The following HSPG2 variants were observed in gnomAD, a reference collection of about 807,000 sequenced individuals.
HSPG2 encodes the protein heparan sulfate proteoglycan 2.
A neutral mutation model predicts 526.6 loss-of-function variants in HSPG2; 278 were observed. The ratio of observed to expected loss-of-function variants is 0.53; its 90% CI spans 0.48 to 0.58. The LOEUF (loss-of-function observed/expected upper bound fraction) is 0.58, where lower values mean the gene tolerates loss of function less well. Ranked by LOEUF, HSPG2 falls within the 20% of genes least tolerant of loss-of-function variation. The pLI, the probability that HSPG2 is intolerant of heterozygous loss-of-function variation, is 0.00. For synonymous variants in HSPG2, 2,465 were observed against 2,555.4 expected (o/e 0.96, Z 1.07); for missense variants, 5,354 against 6,099.5 (o/e 0.88, Z 4.07).
rs760462019 is a variant in HSPG2 at position 21,829,613 on chromosome 1, G to T, written c.11771-9C>A. The stretch of plus-strand genomic sequence containing the variant: ...GGTGGTCACTGTCACACCTGCAGCA[G>T]CCACAGCTCAGCTGAGGCAGTGGGG... On this transcript the variant is annotated splice_polypyrimidine_tract_variant and intron_variant, in intron 86 of 96. Coordinates refer to ENST00000374695, the MANE Select transcript of HSPG2 (RefSeq NM_005529.7). 1 of 1,600,446 alleles carries T rather than the reference G, an allele frequency of 6.2e-7. No individual in the cohort carries two copies. Among genetic ancestry groups the T allele is most frequent in the South Asian group, 1.1e-5 (1 of 90,348 alleles).
intron 33 of HSPG2, among the ~76,000 whole-genome samples, chr1:21,869,987 G>A (rs772317538): frequency 2.0e-5 from 3 of 152,234 alleles, no homozygotes; most frequent in Non-Finnish European, 2.9e-5. Flanking sequence ...TCCTCGGCCT[G>A]ACTCTCTTTG....
Position 21,855,635 on chromosome 1 carries a change from G to T in HSPG2, c.5742C>A (p.His1914Gln). The T allele has an allele frequency of 6.3e-7, 1 of 1,575,846 alleles. No individual in the cohort carries two copies. The highest frequency in any genetic ancestry group is 8.6e-7 in the Non-Finnish European group (1 of 1,163,760). The change falls in exon 46 of 97, where the codon CAC becomes CAA. Residue 1914 changes from histidine (H) to glutamine (Q), a missense_variant. Transcript: ENST00000374695. ...CAGCTGGCAGGCGCAGGATGCCGCCGTGGATTTGTGCCTTCGCAGGGAGCT... is the reference window on the plus strand; with the variant it reads ...CAGCTGGCAGGCGCAGGATGCCGCCTTGGATTTGTGCCTTCGCAGGGAGCT... ...GGQLPAKAQI[H>Q]GGILRLPAVE...
intron 37 of HSPG2, among the ~76,000 whole-genome samples, chr1:21,863,329 C>T (rs1363110652): frequency 1.8e-4 from 25 of 141,486 alleles, no homozygotes; most frequent in East Asian, 1.1e-3. Flanking sequence ...GCCCAGATGG[C>T]GCCACTGCAC....
At position 21,842,098 on chromosome 1, in the gene HSPG2, C is replaced by T. The variant is rs138424698; in HGVS notation, c.9097G>A (p.Val3033Met). ...VISIDPPSST[V>M]QQGQDASFKC... ...AAGCTGGCATCCTGGCCCTGCTGCA[C>T]GGTGCTGCTGGGCGGGTCGATGGAG... The change falls in exon 69 of 97, where the codon GTG becomes ATG. Residue 3033 changes from valine to methionine, a missense_variant. Coordinates refer to ENST00000374695, the MANE Select transcript of HSPG2 (RefSeq NM_005529.7). The T allele has an allele frequency of 1.2e-5, 19 of 1,613,504 alleles. No individual in the cohort carries two copies. Among genetic ancestry groups the T allele is most frequent in the South Asian group, 4.4e-5 (4 of 91,090 alleles).
intron 65 of HSPG2, 150 bp downstream of exon 65, chr1:21,843,998 C>G: frequency 9.5e-7 from 1 of 1,055,868 alleles, no homozygotes; most frequent in Non-Finnish European, 1.4e-6. Flanking sequence ...CTGCTGTGCC[C>G]AGCCCGCTCT....
At position 21,874,645 on chromosome 1, in the gene HSPG2, C is replaced by A. The variant is rs774922341; in HGVS notation, c.3499G>T (p.Ala1167Ser). 1.2e-6 allele frequency: 2 copies of A among 1,613,638 alleles called. No individual in the cohort carries two copies. The change falls in exon 27 of 97, where the codon GCC becomes TCC. Residue 1167 changes from alanine (A) to serine (S), a missense_variant. Transcript: ENST00000374695. Reference sequence around the variant, plus strand: ...CAGGCACCTGTTTCTGGCTCGCAGGCCTCTGAGTGGCCATGGCAGCTGCAG... The same window carrying A: ...CAGGCACCTGTTTCTGGCTCGCAGGACTCTGAGTGGCCATGGCAGCTGCAG... The part of the protein sequence containing the change: ...ERCSCHGHSE[A>S]CEPETGACQG...
rs545350887 is a variant in HSPG2 at position 21,847,630 on chromosome 1, G to A, written c.8025+59C>T. 2 of 1,602,786 alleles carry A rather than the reference G, an allele frequency of 1.2e-6. No individual in the cohort carries two copies. The highest frequency in any genetic ancestry group is 1.3e-5 in the African/African-American group (1 of 74,744). On this transcript the variant is annotated intron_variant, in intron 61 of 96. Transcript: ENST00000374695. The surrounding 1 kb of genome is among the most constrained non-coding windows in gnomAD (Gnocchi z 4.1). ...GCCCAATCCGTGAGACAGGGAGCCT[G>A]CTCTGCTCACCCCAGGAGACCATGG...
chr1:21,934,018 A>G (rs2152807098), intron 1 of HSPG2, among the ~76,000 whole-genome samples: 1 of 152,258 alleles, frequency 6.6e-6, no homozygotes, highest in Non-Finnish European at 1.5e-5. Context: ...CTCCCTCAAG[A>G]CGCCTGTCCC....
At position 21,829,596 on chromosome 1, in the gene HSPG2, C is replaced by T. The variant is rs1328654181; in HGVS notation, c.11779G>A (p.Val3927Met). The T allele has an allele frequency of 4.4e-6, 7 of 1,604,328 alleles. No individual in the cohort carries two copies. The highest frequency in any genetic ancestry group is 2.2e-5 in the South Asian group (2 of 90,662). Residue 3927 changes from valine to methionine, a missense_variant, in exon 87 of 97, where the codon GTG (valine) becomes ATG (methionine). Physicochemically the swap from Val to Met is conservative, Grantham distance 21 (BLOSUM62 1). Coordinates refer to ENST00000374695, the MANE Select transcript of HSPG2 (RefSeq NM_005529.7). ...SGLRCEEGVT[V>M]TTPSLSGAGS... is the part of the protein sequence containing the mutation. ...GCACCCGACAGCGAGGGGGTGGTCA[C>T]TGTCACACCTGCAGCAGCCACAGCT... is the stretch of plus-strand genomic sequence containing the variant.
intron 1 of HSPG2, among the ~76,000 whole-genome samples, chr1:21,902,693 G>A (rs1035869990): frequency 1.3e-5 from 2 of 152,140 alleles, no homozygotes; most frequent in Non-Finnish European, 2.9e-5. Flanking sequence ...ATCAAGGCCT[G>A]CAACCTGGAA....
chr1:21,884,661 G>T lies in HSPG2; in HGVS notation c.1521C>A (p.Asp507Glu), dbSNP rs748189703. Reference sequence around the variant, plus strand: ...CGCTGTGCTCCAGGTAGAAGTGGCCGTCAGGGCAGGGGCCTGCTGGGCGGC... The same window carrying T: ...CGCTGTGCTCCAGGTAGAAGTGGCCTTCAGGGCAGGGGCCTGCTGGGCGGC... ...ELVPQRGPCP[D>E]GHFYLEHSAA... Residue 507 changes from aspartate (D) to glutamate (E), a missense_variant, in exon 13 of 97, where the codon GAC (aspartate) becomes GAA (glutamate). Physicochemically the swap from Asp to Glu is conservative, Grantham distance 45 (BLOSUM62 2). Coordinates refer to ENST00000374695, the MANE Select transcript of HSPG2 (RefSeq NM_005529.7). 3 of 1,612,016 alleles carry T rather than the reference G, an allele frequency of 1.9e-6. No homozygotes were observed. The South Asian group carries it at 3.3e-5, about 18-fold the overall frequency.
In HSPG2 at chr1:21,855,809, G is replaced by A. The variant is rs1185551503; in HGVS notation, c.5679C>T (p.Pro1893=). 1 of 1,613,114 alleles carries A rather than the reference G, an allele frequency of 6.2e-7. No homozygotes were observed. Residue 1893 remains proline (P), a synonymous_variant, in exon 45 of 97, where the codon CCC becomes CCT. Coordinates refer to ENST00000374695, the MANE Select transcript of HSPG2 (RefSeq NM_005529.7). ...AEFRCSATGS[P]TPTLEWTGGP... is the part of the protein sequence containing the mutation. ...CACCTGTCCACTCGAGGGTGGGCGT[G>A]GGGCTCCCTGTGGCGCTGCAGCGGA...
intron 63 of HSPG2, 45 bp from the exon 64 acceptor site, chr1:21,846,300 G>C (rs1478524199): frequency 2.5e-6 from 4 of 1,612,260 alleles, no homozygotes; most frequent in African/African-American, 1.3e-5. Flanking sequence ...GTGCCAGTCT[G>C]GAACTGTTGA....
intron 37 of HSPG2, among the ~76,000 whole-genome samples, chr1:21,863,637 C>T (rs1639998515): frequency 1.3e-5 from 2 of 151,260 alleles, no homozygotes; most frequent in African/African-American, 4.9e-5. Context: ...GTCCCAGCTA[C>T]TCGGGAGGCT....
At chr1:21,918,123 G>T (rs1029266499) in intron 1 of HSPG2, among the ~76,000 whole-genome samples, 10 of 152,114 alleles carry the variant, frequency 6.6e-5, no homozygotes, top group Non-Finnish European at 1.3e-4. Context: ...TCCCAGCAGA[G>T]GAGTCCAGAC....
In HSPG2 at chr1:21,865,562, C is replaced by T. The variant is rs1353482387; in HGVS notation, c.4314+155G>A. 6.6e-6 allele frequency among the ~76,000 whole-genome samples: 1 copy of T among 152,186 alleles called. No individual in the cohort carries two copies. The highest frequency in any genetic ancestry group is 2.4e-5 in the African/African-American group (1 of 41,454). On this transcript the variant is annotated intron_variant, in intron 34 of 96. Coordinates refer to ENST00000374695, the MANE Select transcript of HSPG2 (RefSeq NM_005529.7). The surrounding 1 kb of genome is among the most constrained non-coding windows in gnomAD (Gnocchi z 5.4). ...GCAGGATCCTCTGCTTGGGTAGTGT[C>T]CAACCAGGCAGGGATGTGGGGGCAT...
Position 21,824,016 on chromosome 1 carries a change from T to C in HSPG2, c.12899+105A>G, listed in dbSNP as rs972168057. On this transcript the variant is annotated intron_variant, in intron 95 of 96. Transcript: ENST00000374695. The surrounding 1 kb of genome is among the most constrained non-coding windows in gnomAD (Gnocchi z 5.9). ...TCTCCCCTCCCCTGGCTTCAAGTTC[T>C]GTCTCCACAGAGCTCAATACCTGCC... The C allele has an allele frequency of 2.6e-6, 3 of 1,154,362 alleles. No individual in the cohort carries two copies. The highest frequency in any genetic ancestry group is 3.8e-6 in the Non-Finnish European group (3 of 787,874). The allele number at this position is 1,154,362 out of a possible 1,614,324, so 71.5% of individuals were successfully genotyped here. A position where few individuals can be genotyped will look rare whatever the true frequency, so the allele number is the denominator to read the frequency against.
At chr1:21,933,652 C>A (rs1644406065) in intron 1 of HSPG2, among the ~76,000 whole-genome samples, 1 of 152,238 alleles carries the variant, frequency 6.6e-6, no homozygotes, top group African/African-American at 2.4e-5. Flanking sequence ...CAGGCAGGGG[C>A]CACAACTCCC....
Position 21,839,118 on chromosome 1 carries a change from G to A in HSPG2, c.9890-33C>T, listed in dbSNP as rs1363900959. On this transcript the variant is annotated intron_variant, in intron 73 of 96. Transcript: ENST00000374695. The surrounding 1 kb of genome is among the most constrained non-coding windows in gnomAD (Gnocchi z 4.5). ...GGGGGACACAGAGGTCAGGATTGGG[G>A]AGGGCAAAGGTCAGAATGGCAGCAG... The A allele has an allele frequency of 6.4e-7, 1 of 1,558,728 alleles. No homozygotes were observed. The highest frequency in any genetic ancestry group is 1.2e-5 in the South Asian group (1 of 81,806).
Sources: allele counts gnomAD v4.1 joint callset (sites outside exome capture counted in the v4.1 genomes callset), GRCh38; gene constraint gnomAD v4.1.1; non-coding constraint Gnocchi (gnomAD v3.1); transcripts MANE v1.5; gene names NCBI Gene and HGNC (gene_info 2026-07-23, HGNC 2026-07-21).